Variants in EXOC1L observed in about 807,000 individuals in gnomAD.
EXOC1L encodes the protein exocyst complex component 1-like.
In EXOC1L, 10 loss-of-function variants were observed where a neutral mutation model predicts 4.9. That is an observed-to-expected ratio of 2.02 (90% CI 1.25 to 3.43). The LOEUF (loss-of-function observed/expected upper bound fraction) is 3.43. EXOC1L is among the 30% of genes most tolerant of loss of function. EXOC1L has a pLI of 0.00. For synonymous variants in EXOC1L, 41 were observed against 20.8 expected (o/e 1.97, Z -2.63); for missense variants, 114 against 59.4 (o/e 1.92, Z -3.02).
chr4:55,820,400 C>A (rs1244395661), intron 1 of EXOC1L, among the ~76,000 whole-genome samples: 1 of 152,138 alleles, frequency 6.6e-6, no homozygotes, highest in African/African-American at 2.4e-5. Context: ...GTGTCCTTCT[C>A]CTGATTTGAT....
At chr4:55,835,928 C>T (rs773805711) in intron 2 of EXOC1L, among the ~76,000 whole-genome samples, 5 of 151,824 alleles carry the variant, frequency 3.3e-5, no homozygotes, top group Non-Finnish European at 5.9e-5. Context: ...TTAAGCTCCA[C>T]GCTCGTTTAC....
intron 1 of EXOC1L, among the ~76,000 whole-genome samples, chr4:55,828,446 C>T (rs568438097): frequency 6.6e-6 from 1 of 152,310 alleles, no homozygotes; most frequent in African/African-American, 2.4e-5. Flanking sequence ...ACAGCTGGGC[C>T]TGTCTCTCAG....
At chr4:55,826,812 A>G (rs1411896670) in intron 1 of EXOC1L, among the ~76,000 whole-genome samples, 1 of 152,210 alleles carries the variant, frequency 6.6e-6, no homozygotes, top group East Asian at 1.9e-4. Context: ...CTTGTGGCTA[A>G]AGACAATTCT....
intron 1 of EXOC1L, among the ~76,000 whole-genome samples, chr4:55,826,606 GGAAACTCTGATGTTACT>G (rs1719892527): frequency 6.6e-6 from 1 of 152,142 alleles, no homozygotes; most frequent in Non-Finnish European, 1.5e-5. Context: ...GTTTGATAAT[GGAAACTCTGATGTTACT>G]GAAAACAACT....
At chr4:55,832,449 A>G (rs1318730106) in intron 2 of EXOC1L, among the ~76,000 whole-genome samples, 1 of 151,996 alleles carries the variant, frequency 6.6e-6, no homozygotes, top group East Asian at 1.9e-4. Flanking sequence ...TAATGAGCAC[A>G]ACATTGAGGA....
rs957623541 is a variant in EXOC1L at position 55,820,108 on chromosome 4, G to A, written c.82G>A (p.Glu28Lys). 2 of 398,944 alleles carry A rather than the reference G, an allele frequency of 5.0e-6. No homozygotes were observed. The highest frequency in any genetic ancestry group is 4.4e-5 in the Admixed American group (1 of 22,720). The allele number at this position is 398,944 out of a possible 1,614,324, so 24.7% of individuals were successfully genotyped here. The change falls in exon 1 of 3, where the codon GAG becomes AAG. Residue 28 changes from glutamate to lysine, a missense_variant. Coordinates refer to ENST00000636125, the MANE Select transcript of EXOC1L (RefSeq NM_001351574.3). Reference protein sequence around the residue: ...SQNLYEFIEIEFSVQDRYYLC... With the variant: ...SQNLYEFIEIKFSVQDRYYLC... ...GAATCTGTACGAGTTTATTGAAATA[G>A]AGTTCTCCGTCCAGGACAGGTATTA...
chr4:55,828,015 C>T (rs1261607707), intron 1 of EXOC1L, among the ~76,000 whole-genome samples: 1 of 152,154 alleles, frequency 6.6e-6, no homozygotes, highest in Non-Finnish European at 1.5e-5. Flanking sequence ...GGATCACAGA[C>T]TCTAAACTAG....
chr4:55,836,828 C>T (rs902412801), intron 2 of EXOC1L, among the ~76,000 whole-genome samples: 4 of 151,928 alleles, frequency 2.6e-5, no homozygotes, highest in African/African-American at 7.2e-5. Flanking sequence ...ACTTAATAAC[C>T]ACACAGTCTG....
chr4:55,820,175 A>G, intron 1 of EXOC1L, 28 bp downstream of exon 1: 1 of 398,812 alleles, frequency 2.5e-6, no homozygotes, highest in Non-Finnish European at 4.4e-6. Flanking sequence ...TTATCATTTC[A>G]AAAAGCAAGT....
intron 1 of EXOC1L, among the ~76,000 whole-genome samples, 185 bp from the exon 2 acceptor site, chr4:55,831,149 T>C: frequency 6.6e-6 from 1 of 152,120 alleles, no homozygotes; most frequent in Non-Finnish European, 1.5e-5. Context: ...AGTTAATACG[T>C]TGAGCAAATT....
At chr4:55,822,662 TG>T (rs1191413459) in intron 1 of EXOC1L, among the ~76,000 whole-genome samples, 2 of 152,120 alleles carry the variant, frequency 1.3e-5, no homozygotes, top group Non-Finnish European at 2.9e-5. Flanking sequence ...CAGGCAAACT[TG>T]GTGTGAAACC....
chr4:55,836,619 G>C (rs1268575501), intron 2 of EXOC1L, among the ~76,000 whole-genome samples: 2 of 151,916 alleles, frequency 1.3e-5, no homozygotes, highest in Non-Finnish European at 2.9e-5. Flanking sequence ...AAACTTCAAA[G>C]ACAGCAAATT....
chr4:55,823,989 C>T (rs2053743), intron 1 of EXOC1L, among the ~76,000 whole-genome samples: 93,776 of 151,836 alleles, frequency 0.62, 29,200 homozygotes, highest in East Asian at 0.82. Flanking sequence ...TTATTCTCTA[C>T]GTTAAAAAAT....
In EXOC1L at chr4:55,820,251, G is replaced by T. The variant is rs1207148491; in HGVS notation, c.121+104G>T. 7.7e-6 allele frequency: 3 copies of T among 391,728 alleles called. No individual in the cohort carries two copies. The East Asian group carries it at 1.1e-4, about 14-fold the overall frequency. The allele number at this position is 391,728 out of a possible 1,614,324, so 24.3% of individuals were successfully genotyped here. Reference sequence around the variant, plus strand: ...TTGTATTTATTTTCCTATATAGCACGTGTACCTTCTTCTGATAAGAACTTA... The same window carrying T: ...TTGTATTTATTTTCCTATATAGCACTTGTACCTTCTTCTGATAAGAACTTA... On this transcript the variant is annotated intron_variant, in intron 1 of 2. Transcript: ENST00000636125.
intron 2 of EXOC1L, among the ~76,000 whole-genome samples, chr4:55,833,971 T>C (rs1233285956): frequency 2.0e-5 from 3 of 152,068 alleles, no homozygotes; most frequent in Non-Finnish European, 2.9e-5. Flanking sequence ...TTATTTTCTA[T>C]AGATGAAGTA....
rs181595137 is a variant in EXOC1L, at chr4:55,834,138, A to G, written c.252+2674A>G. ...TTACATGTTTTACATTTACATATCA[A>G]TACCAATGATACAGTTTTATAGAGA... On this transcript the variant is annotated intron_variant, in intron 2 of 2. Coordinates refer to ENST00000636125, the MANE Select transcript of EXOC1L (RefSeq NM_001351574.3). Among the ~76,000 whole-genome samples the G allele has an allele frequency of 3.9e-4, 59 of 152,074 alleles. 1 individual carries two copies. The highest frequency in any genetic ancestry group is 2.2e-3 in the Admixed American group (33 of 15,248).
intron 1 of EXOC1L, among the ~76,000 whole-genome samples, chr4:55,825,872 G>C (rs2110281569): frequency 6.6e-6 from 1 of 152,162 alleles, no homozygotes; most frequent in Admixed American, 6.5e-5. Flanking sequence ...ATCACCTGAG[G>C]TCAGGAGTTT....
At chr4:55,828,911 T>C (rs1271564934) in intron 1 of EXOC1L, among the ~76,000 whole-genome samples, 1 of 152,078 alleles carries the variant, frequency 6.6e-6, no homozygotes, top group Admixed American at 6.6e-5. Context: ...TGGAAACCTT[T>C]CCACAGGAAA....
In EXOC1L at chr4:55,837,343, C is replaced by T. The variant is rs1004544800; in HGVS notation, c.511C>T (p.Pro171Ser). 3.3e-6 allele frequency: 2 copies of T among 599,040 alleles called. No individual in the cohort carries two copies. The highest frequency in any genetic ancestry group is 6.1e-6 in the Non-Finnish European group (2 of 328,462). The allele number at this position is 599,040 out of a possible 1,614,324, so 37.1% of individuals were successfully genotyped here. A position where few individuals can be genotyped will look rare whatever the true frequency, so the allele number is the denominator to read the frequency against. Residue 171 changes from proline (P) to serine (S), a missense_variant, in exon 3 of 3, where the codon CCA becomes TCA. Transcript: ENST00000636125. ...NLVCLSLCPL[P>S]L ...TGTGTGCTTGTCCCTATGTCCCTTG[C>T]CACTCTGAAGCTGTGTACCACATTC...
Sources: gnomAD v4.1 joint callset for allele counts (sites outside exome capture counted in the v4.1 genomes callset) on GRCh38, gnomAD v4.1.1 for gene constraint, MANE v1.5 for transcripts, NCBI Gene and HGNC (gene_info 2026-07-23, HGNC 2026-07-21) for gene names.